IL1RN: variants seen among roughly 807,000 people sequenced by gnomAD.
IL1RN encodes the protein interleukin-1 receptor antagonist protein.
In IL1RN, 10 loss-of-function variants were observed where a neutral mutation model predicts 13.7. The observed-to-expected ratio is 0.73, with a 90% CI of 0.45 to 1.24. IL1RN has a LOEUF of 1.24. Ranked by LOEUF, IL1RN falls within the 50% of genes most tolerant of loss-of-function variation. IL1RN has a pLI of 0.00. For synonymous variants in IL1RN, 102 were observed against 82.7 expected (o/e 1.23, Z -1.27); for missense variants, 213 against 222.1 (o/e 0.96, Z 0.26).
chr2:113,128,955 A>G (rs1466730121), intron 1 of IL1RN, among the ~76,000 whole-genome samples: 1 of 152,194 alleles, frequency 6.6e-6, no homozygotes, highest in Non-Finnish European at 1.5e-5. Flanking sequence ...CTGCTCCTGC[A>G]GGACTCTGAG....
At chr2:113,108,946 G>A (rs1428287592), upstream of IL1RN, among the ~76,000 whole-genome samples, 1 of 152,014 alleles carries the variant, frequency 6.6e-6, no homozygotes, top group Non-Finnish European at 1.5e-5. Flanking sequence ...TTTAGACCCT[G>A]AGAAGTAAAA....
chr2:113,107,425 T>A (rs553126173), upstream of IL1RN: 14 of 152,310 alleles, frequency 9.2e-5, no homozygotes, highest in South Asian at 1.2e-3. Flanking sequence ...ATTGTGTACC[T>A]ATCAAAAATA....
chr2:113,118,095 T>C, intron 1 of IL1RN: 3 of 1,612,430 alleles, frequency 1.9e-6, no homozygotes, highest in East Asian at 4.5e-5. Context: ...CAATTGGTGT[T>C]TATCAAATGC....
At chr2:113,123,715 A>G (rs530845089), upstream of IL1RN, among the ~76,000 whole-genome samples, 6 of 152,332 alleles carry the variant, frequency 3.9e-5, no homozygotes, top group East Asian at 9.6e-4. Flanking sequence ...ATCAGGGAGA[A>G]ATAGGCAATA....
chr2:113,121,733 T>G, intron 2 of IL1RN: 2 of 461,956 alleles, frequency 4.3e-6, no homozygotes, highest in African/African-American at 2.1e-5. Context: ...GTCACCCTGA[T>G]AGCAGCAAGC....
rs1258765646 is a variant in IL1RN, at chr2:113,133,670, C to T, written c.*799C>T. 1 of 152,716 alleles carries T rather than the reference C, an allele frequency of 6.5e-6. No individual in the cohort carries two copies. Among genetic ancestry groups the T allele is most frequent in the Non-Finnish European group, 1.5e-5 (1 of 68,132 alleles). The allele number at this position is 152,716 out of a possible 1,614,324, so 9.5% of individuals were successfully genotyped here. On this transcript the variant is annotated 3_prime_UTR_variant, in exon 4 of 4. Transcript: ENST00000409930. ...TTTTACAGCTGCCTGCAGTACTTTACCTCCTATCAGAAGTTTCTCAGCTCC... is the reference window on the plus strand; with the variant it reads ...TTTTACAGCTGCCTGCAGTACTTTATCTCCTATCAGAAGTTTCTCAGCTCC...
intron 2 of IL1RN, among the ~76,000 whole-genome samples, chr2:113,120,527 T>C (rs565620827): frequency 4.3e-4 from 65 of 152,304 alleles, no homozygotes; most frequent in African/African-American, 1.5e-3. Flanking sequence ...TAATTTAGAA[T>C]AATCCAATTA....
At chr2:113,113,906 T>C (rs1301132322), upstream of IL1RN, among the ~76,000 whole-genome samples, 1 of 152,236 alleles carries the variant, frequency 6.6e-6, no homozygotes, top group Admixed American at 6.5e-5. Flanking sequence ...CATGCCAATG[T>C]AGTCAAGGAT....
chr2:113,131,864 A>G (rs979507326), intron 3 of IL1RN, among the ~76,000 whole-genome samples: 2 of 152,106 alleles, frequency 1.3e-5, no homozygotes, highest in African/African-American at 2.4e-5. Flanking sequence ...CTTAACCTCA[A>G]TGTGAGTGGC....
At chr2:113,113,397 T>C (rs1000567620), upstream of IL1RN, among the ~76,000 whole-genome samples, 2 of 152,160 alleles carry the variant, frequency 1.3e-5, no homozygotes, top group Admixed American at 6.5e-5. Context: ...AGTAGACTAC[T>C]GGTTGTCAGG....
At chr2:113,117,218 G>A (rs1686615019), upstream of IL1RN, among the ~76,000 whole-genome samples, 1 of 152,234 alleles carries the variant, frequency 6.6e-6, no homozygotes, top group East Asian at 1.9e-4. Flanking sequence ...GCAGAGGCCA[G>A]GTATAGGGCA....
chr2:113,107,103 C>G (rs1686397708), upstream of IL1RN: 1 of 152,092 alleles, frequency 6.6e-6, no homozygotes, highest in South Asian at 2.1e-4. Context: ...ATGAGAAGAC[C>G]TGATAGACAT....
At chr2:113,117,439 C>T (rs1174361153), upstream of IL1RN, 1 of 156,086 alleles carries the variant, frequency 6.4e-6, no homozygotes, top group Admixed American at 6.2e-5. Flanking sequence ...TCCTAGGTCC[C>T]TCAAAAGCAT....
intron 1 of IL1RN, among the ~76,000 whole-genome samples, chr2:113,128,824 G>A (rs994655632): frequency 6.6e-6 from 1 of 152,138 alleles, no homozygotes; most frequent in Non-Finnish European, 1.5e-5. Context: ...TGTTTATTAC[G>A]TCTCACAGCT....
chr2:113,117,841 G>A (rs1686631095), upstream of IL1RN: 12 of 698,798 alleles, frequency 1.7e-5, no homozygotes, highest in South Asian at 1.8e-4. Context: ...GTGAGTGTGT[G>A]GGAGGGGAGG....
chr2:113,129,494 T>C, intron 1 of IL1RN, 82 bp from the exon 2 acceptor site: 2 of 869,132 alleles, frequency 2.3e-6, no homozygotes, highest in Admixed American at 1.7e-5. Flanking sequence ...TTTGACAAGT[T>C]CTGGGGGACA....
the IL1RN span, among the ~76,000 whole-genome samples, chr2:113,099,529 T>A: frequency 6.6e-6 from 1 of 152,152 alleles, no homozygotes; most frequent in Middle Eastern, 3.2e-3. Context: ...GACTGTCCCA[T>A]GGAGCCTGCA....
chr2:113,106,044 T>C (rs563692116), upstream of IL1RN, among the ~76,000 whole-genome samples: 8 of 152,380 alleles, frequency 5.3e-5, no homozygotes, highest in South Asian at 2.1e-4. Flanking sequence ...AATTCATTAG[T>C]TGTTAATGGC....
upstream of IL1RN, among the ~76,000 whole-genome samples, chr2:113,123,778 C>A (rs4251997): frequency 6.6e-6 from 1 of 152,002 alleles, no homozygotes; most frequent in East Asian, 1.9e-4. Flanking sequence ...GGGCAGCCTT[C>A]GAAAGAACTG....
Sources: gnomAD v4.1 joint callset for allele counts (sites outside exome capture counted in the v4.1 genomes callset) on GRCh38, gnomAD v4.1.1 for gene constraint, MANE v1.5 for transcripts, NCBI Gene and HGNC (gene_info 2026-07-23, HGNC 2026-07-21) for gene names.